FRS2: variants seen among roughly 807,000 people sequenced by gnomAD.
The protein encoded by FRS2 is FGFR signalling adaptor.
FRS2 carries 8 observed loss-of-function variants against 43.9 expected under a neutral mutation model. The observed-to-expected ratio is 0.18, with a 90% CI of 0.11 to 0.33. The LOEUF is 0.33. Among genes scored for constraint, FRS2 ranks in the 10% least tolerant of loss-of-function variants. The probability of loss-of-function intolerance (pLI) is 1.00; values close to 1 mark genes in which losing one functional copy is unlikely to be tolerated. For synonymous variants in FRS2, 219 were observed against 220.3 expected, an observed-to-expected ratio of 0.99 and a Z score of 0.05; for missense variants, 534 against 627.6, an observed-to-expected ratio of 0.85 and a Z score of 1.59.
At chr12:69,495,306 G>A (rs992257319) in intron 1 of FRS2, among the ~76,000 whole-genome samples, 16 of 152,182 alleles carry the variant, frequency 1.1e-4, no homozygotes, top group Non-Finnish European at 1.5e-5. Context: ...TGTAAGTGAT[G>A]TGTTATGAAA....
Position 69,574,928 on chromosome 12 carries a change from A to G in FRS2, c.1500A>G (p.Arg500=). The G allele has an allele frequency of 1.2e-6, 2 of 1,609,618 alleles. No individual in the cohort carries two copies. Among genetic ancestry groups the G allele is most frequent in the Non-Finnish European group, 1.7e-6 (2 of 1,176,006 alleles). ...ATGATGGTACATCTAGGAAAACTAGACACAATAGTACTGATCTGCCCATGT... is the reference window on the plus strand; with the variant it reads ...ATGATGGTACATCTAGGAAAACTAGGCACAATAGTACTGATCTGCCCATGT... The part of the protein sequence containing the change: ...PRDDGTSRKT[R]HNSTDLPM Residue 500 remains arginine, a synonymous_variant, in exon 9 of 9, where the codon AGA becomes AGG. Coordinates refer to ENST00000549921, the MANE Select transcript of FRS2 (RefSeq NM_001278356.2).
intron 3 of FRS2, among the ~76,000 whole-genome samples, chr12:69,561,465 T>C (rs1274389229): frequency 6.6e-6 from 1 of 152,082 alleles, no homozygotes; most frequent in Non-Finnish European, 1.5e-5. Context: ...TGGTACAGAG[T>C]AGGTTTTCAG....
At chr12:69,520,572 C>T (rs1363834150) in intron 1 of FRS2, among the ~76,000 whole-genome samples, 1 of 151,962 alleles carries the variant, frequency 6.6e-6, no homozygotes, top group Non-Finnish European at 1.5e-5. Flanking sequence ...AGTTTTTAAT[C>T]CCTCTTGAGT....
intron 1 of FRS2, among the ~76,000 whole-genome samples, chr12:69,502,755 G>A (rs966827420): frequency 1.2e-4 from 19 of 152,154 alleles, no homozygotes; most frequent in African/African-American, 4.6e-4. Flanking sequence ...TGGTTTCAAA[G>A]CTATGTACCC....
At chr12:69,498,357 T>G (rs1873099104) in intron 1 of FRS2, among the ~76,000 whole-genome samples, 1 of 152,182 alleles carries the variant, frequency 6.6e-6, no homozygotes. Flanking sequence ...ACAGAGAATT[T>G]CAAAGTCTAC....
chr12:69,488,116 A>G (rs575914143), intron 1 of FRS2, among the ~76,000 whole-genome samples: 4 of 152,372 alleles, frequency 2.6e-5, no homozygotes, highest in African/African-American at 9.6e-5. Flanking sequence ...AGAATATTAC[A>G]TAAATTGAGT....
Position 69,569,010 on chromosome 12 carries a change from A to T in FRS2, c.-21A>T. 1 of 1,565,158 alleles carries T rather than the reference A, an allele frequency of 6.4e-7. No homozygotes were observed. Among genetic ancestry groups the T allele is most frequent in the Non-Finnish European group, 8.8e-7 (1 of 1,140,966 alleles). On this transcript the variant is annotated 5_prime_UTR_variant, in exon 5 of 9. Coordinates refer to ENST00000549921, the MANE Select transcript of FRS2 (RefSeq NM_001278356.2). ...CCAAATTATTTTTCATGTAGTGCAC[A>T]CATGGTCTTCTGAAGAAGCCATGGG...
At chr12:69,542,649 C>T (rs1878020706) in intron 3 of FRS2, among the ~76,000 whole-genome samples, 1 of 152,208 alleles carries the variant, frequency 6.6e-6, no homozygotes, top group East Asian at 1.9e-4. Flanking sequence ...CATATGTAAC[C>T]ATGTTTCTAT....
chr12:69,539,751 C>G (rs1396951141), intron 3 of FRS2, among the ~76,000 whole-genome samples: 1 of 151,210 alleles, frequency 6.6e-6, no homozygotes, highest in Non-Finnish European at 1.5e-5. Flanking sequence ...GTCAGGAGTT[C>G]GAGACCAGCC....
intron 1 of FRS2, among the ~76,000 whole-genome samples, chr12:69,518,996 CAAA>C (rs35495239): frequency 1.0e-4 from 10 of 98,546 alleles, no homozygotes; most frequent in Admixed American, 1.1e-4. Context: ...AACTCCGTCT[CAAA>C]AAAAAAAAAA....
chr12:69,506,549 A>C (rs1026243144), intron 1 of FRS2, among the ~76,000 whole-genome samples: 1 of 152,020 alleles, frequency 6.6e-6, no homozygotes, highest in Non-Finnish European at 1.5e-5. Context: ...AGAGAGAGAG[A>C]GTACTCATTC....
At chr12:69,488,995 T>C (rs914768130) in intron 1 of FRS2, among the ~76,000 whole-genome samples, 1 of 152,188 alleles carries the variant, frequency 6.6e-6, no homozygotes, top group Non-Finnish European at 1.5e-5. Flanking sequence ...GTAAGTTTGA[T>C]ACAGTAGAAG....
chr12:69,555,506 G>GA (rs1283764174), intron 3 of FRS2, among the ~76,000 whole-genome samples: 1 of 152,202 alleles, frequency 6.6e-6, no homozygotes, highest in Admixed American at 6.5e-5. Context: ...GGCATTTCAT[G>GA]AGGGGGAATG....
At chr12:69,554,407 T>A (rs1879166200) in intron 3 of FRS2, among the ~76,000 whole-genome samples, 1 of 152,156 alleles carries the variant, frequency 6.6e-6, no homozygotes, top group African/African-American at 2.4e-5. Flanking sequence ...CATTATTTTG[T>A]AAAAATGCAA....
At chr12:69,480,924 A>G (rs746094735) in intron 1 of FRS2, among the ~76,000 whole-genome samples, 3 of 151,908 alleles carry the variant, frequency 2.0e-5, no homozygotes, top group Non-Finnish European at 2.9e-5. Context: ...AAGTTCTCGT[A>G]ACTTTATGTT....
chr12:69,578,522 C>A lies in FRS2; in HGVS notation c.*3567C>A, dbSNP rs1307358976. ...CCCTACTTCCTCATTTTTGGTATAA[C>A]ACAGTTCTTTTGTAGCATCATTATA... On this transcript the variant is annotated 3_prime_UTR_variant, in exon 9 of 9. Coordinates refer to ENST00000549921, the MANE Select transcript of FRS2 (RefSeq NM_001278356.2). The A allele has an allele frequency of 6.6e-6, 1 of 152,436 alleles. No homozygotes were observed. The highest frequency in any genetic ancestry group is 1.5e-5 in the Non-Finnish European group (1 of 68,028). 9.4% of individuals were successfully genotyped at this position (152,436 alleles called of 1,614,324 possible). A position where few individuals can be genotyped will look rare whatever the true frequency, so the allele number is the denominator to read the frequency against.
chr12:69,572,807 T>G (rs952531437), intron 8 of FRS2, among the ~76,000 whole-genome samples: 20 of 152,210 alleles, frequency 1.3e-4, no homozygotes, highest in Non-Finnish European at 2.6e-4. Flanking sequence ...ATCAGTTTCT[T>G]TGTGTTCTTT....
At position 69,574,108 on chromosome 12, in the gene FRS2, C is replaced by T. The variant is rs770370050; in HGVS notation, c.680C>T (p.Thr227Ile). Residue 227 changes from threonine (T) to isoleucine (I), a missense_variant, in exon 9 of 9, where the codon ACA becomes ATA. Physicochemically the swap from Thr to Ile is moderately conservative, Grantham distance 89. Coordinates refer to ENST00000549921, the MANE Select transcript of FRS2 (RefSeq NM_001278356.2). ...EARVSNAESS[T>I]PKEEPSSIED... ...AGGGTTTCTAACGCTGAAAGCAGCA[C>T]ACCAAAAGAAGAACCAAGTAGTATT... 2 of 1,614,052 alleles carry T rather than the reference C, an allele frequency of 1.2e-6. No homozygotes were observed. The highest frequency in any genetic ancestry group is 1.7e-5 in the Admixed American group (1 of 60,026).
intron 3 of FRS2, among the ~76,000 whole-genome samples, chr12:69,533,492 G>A (rs767085231): frequency 1.3e-5 from 2 of 152,054 alleles, no homozygotes; most frequent in African/African-American, 2.4e-5. Context: ...TGGGATTACC[G>A]GCACGCACCA....
Sources: gnomAD v4.1 joint callset for allele counts (sites outside exome capture counted in the v4.1 genomes callset) on GRCh38, gnomAD v4.1.1 for gene constraint, MANE v1.5 for transcripts, NCBI Gene and HGNC (gene_info 2026-07-23, HGNC 2026-07-21) for gene names.